DBF4B: variants seen among roughly 807,000 people sequenced by gnomAD.
DBF4B encodes the protein protein DBF4 homolog B.
DBF4B carries 49 observed loss-of-function variants against 53.4 expected under a neutral mutation model. The observed-to-expected ratio is 0.92, with a 90% CI of 0.73 to 1.16. The LOEUF is 1.16. Ranked by LOEUF, DBF4B falls within the 50% of genes most tolerant of loss-of-function variation. The probability of loss-of-function intolerance (pLI) is 0.00; values close to 1 mark genes in which losing one functional copy is unlikely to be tolerated. For missense variants in DBF4B, 692 were observed against 775.0 expected (o/e 0.89, Z 1.27); for synonymous variants, 257 against 288.7 (o/e 0.89, Z 1.11).
At chr17:44,745,708 A>G (rs962865420) in intron 10 of DBF4B, among the ~76,000 whole-genome samples, 10 of 152,236 alleles carry the variant, frequency 6.6e-5, no homozygotes, top group African/African-American at 1.2e-4. Context: ...AAGCCTAACC[A>G]TATCATTTGC....
chr17:44,736,091 C>G (rs147486581), intron 7 of DBF4B, among the ~76,000 whole-genome samples: 1,939 of 152,168 alleles, frequency 0.013, 20 homozygotes, highest in Non-Finnish European at 0.02. Flanking sequence ...AAACCATCCT[C>G]CCACCTCAGC....
chr17:44,727,310 T>C (rs550941196), intron 3 of DBF4B, among the ~76,000 whole-genome samples: 1 of 151,704 alleles, frequency 6.6e-6, no homozygotes, highest in African/African-American at 2.4e-5. Flanking sequence ...TCCCAGCTAC[T>C]CGGGAGGCTG....
chr17:44,716,305 A>C (rs1190940246), intron 2 of DBF4B, among the ~76,000 whole-genome samples: 1 of 152,064 alleles, frequency 6.6e-6, no homozygotes, highest in Non-Finnish European at 1.5e-5. Flanking sequence ...GTCTTGAGCT[A>C]GTCAGTTCGC....
At chr17:44,745,501 T>C (rs184221626) in intron 10 of DBF4B, among the ~76,000 whole-genome samples, 3 of 152,258 alleles carry the variant, frequency 2.0e-5, no homozygotes, top group South Asian at 2.1e-4. Flanking sequence ...CAAGGCACCT[T>C]CTCCACAAGG....
At chr17:44,711,896 C>T (rs1445948013) in intron 2 of DBF4B, among the ~76,000 whole-genome samples, 1 of 150,674 alleles carries the variant, frequency 6.6e-6, no homozygotes, top group East Asian at 2.0e-4. Flanking sequence ...AATTGCACCA[C>T]TGCACTCCAG....
At chr17:44,712,301 CTTTTTTTTTTTTT>C (rs1163777667) in intron 2 of DBF4B, among the ~76,000 whole-genome samples, 1 of 71,910 alleles carries the variant, frequency 1.4e-5, no homozygotes, top group Non-Finnish European at 2.4e-5. Context: ...ATTATGTCTT[CTTTTTTTTTTTTT>C]TTTTTTTTTT....
At chr17:44,721,937 C>T (rs1179372488) in intron 2 of DBF4B, among the ~76,000 whole-genome samples, 1 of 151,692 alleles carries the variant, frequency 6.6e-6, no homozygotes, top group Non-Finnish European at 1.5e-5. Context: ...GAGTTTGTGA[C>T]CAGCCTGACC....
chr17:44,750,350 C>G, intron 13 of DBF4B: 1 of 1,312,800 alleles, frequency 7.6e-7, no homozygotes. Context: ...CTTCCGGAAG[C>G]CTGATGCTAT....
intron 2 of DBF4B, among the ~76,000 whole-genome samples, chr17:44,712,301 C>CTT (rs1163777667): frequency 0.032 from 2,278 of 71,840 alleles, 147 homozygotes; most frequent in Admixed American, 0.038. Flanking sequence ...ATTATGTCTT[C>CTT]TTTTTTTTTT....
At chr17:44,746,432 G>C (rs1976604270) in intron 10 of DBF4B, among the ~76,000 whole-genome samples, 1 of 152,140 alleles carries the variant, frequency 6.6e-6, no homozygotes, top group Non-Finnish European at 1.5e-5. Context: ...CAGGTCTCAT[G>C]AATGTGGGTG....
At chr17:44,718,050 C>T (rs1008941536) in intron 2 of DBF4B, among the ~76,000 whole-genome samples, 1 of 151,520 alleles carries the variant, frequency 6.6e-6, no homozygotes, top group Non-Finnish European at 1.5e-5. Context: ...AAAGAAAATC[C>T]GGAAATTAAT....
chr17:44,749,095 C>A lies in DBF4B; in HGVS notation c.1189+630C>A. On this transcript the variant is annotated intron_variant, in intron 13 of 13. Transcript: ENST00000315005. This position sits in a 1 kb window ranked among gnomAD's most constrained non-coding sequence, Gnocchi z 4.4. ...CACAGCTCCAGGCTGGCCATCAGCT[C>A]CCCTGTACTCAGCTACCAGTGTGCA... 1 of 1,289,792 alleles carries A rather than the reference C, an allele frequency of 7.8e-7. No individual in the cohort carries two copies. The highest frequency in any genetic ancestry group is 1.0e-6 in the Non-Finnish European group (1 of 988,832). 79.9% of individuals were successfully genotyped at this position (1,289,792 alleles called of 1,614,324 possible).
At position 44,708,813 on chromosome 17, in the gene DBF4B, G is replaced by A; in HGVS notation, c.-8G>A. On this transcript the variant is annotated 5_prime_UTR_variant, in exon 1 of 14. Transcript: ENST00000315005. ...GGAGTACGGAGGCCGAGAAGGAGCC[G>A]GCATTTGATGAGCGAACCGGGAAAG... The A allele has an allele frequency of 6.4e-7, 1 of 1,551,308 alleles. No individual in the cohort carries two copies.
chr17:44,722,020 G>A (rs1598782581), intron 2 of DBF4B, among the ~76,000 whole-genome samples: 1 of 152,008 alleles, frequency 6.6e-6, no homozygotes, highest in Admixed American at 6.6e-5. Context: ...TGTAATCCCA[G>A]CTACTGGGGA....
At chr17:44,750,368 C>T in intron 13 of DBF4B, 1 of 1,359,208 alleles carries the variant, frequency 7.4e-7, no homozygotes, top group Non-Finnish European at 9.4e-7. Context: ...TATTCTGTGT[C>T]TCCTTTCAAA....
At chr17:44,721,832 C>T (rs1973875310) in intron 2 of DBF4B, among the ~76,000 whole-genome samples, 2 of 151,212 alleles carry the variant, frequency 1.3e-5, no homozygotes, top group Non-Finnish European at 2.9e-5. Flanking sequence ...TTGGAGGTTG[C>T]ATAGAAGAGG....
At chr17:44,738,482 A>AGGGAGGT (rs1282604098) in intron 9 of DBF4B, 58 bp downstream of exon 9, 1 of 1,565,758 alleles carries the variant, frequency 6.4e-7, no homozygotes, top group Non-Finnish European at 8.7e-7. Flanking sequence ...AGGAGGGAGG[A>AGGGAGGT]GGGAGGGGTG....
intron 3 of DBF4B, among the ~76,000 whole-genome samples, chr17:44,729,382 A>G (rs1320840901): frequency 6.6e-6 from 1 of 151,706 alleles, no homozygotes; most frequent in African/African-American, 2.4e-5. Flanking sequence ...AAAAAAAAAA[A>G]AATTTTAGAG....
intron 7 of DBF4B, among the ~76,000 whole-genome samples, chr17:44,735,382 A>G (rs1186734677): frequency 6.6e-6 from 1 of 152,080 alleles, no homozygotes; most frequent in Non-Finnish European, 1.5e-5. Context: ...TAACTTAATC[A>G]GTTTTGTAGG....
Sources: gnomAD v4.1 joint callset for allele counts (sites outside exome capture counted in the v4.1 genomes callset) on GRCh38, gnomAD v4.1.1 for gene constraint, Gnocchi (gnomAD v3.1) non-coding constraint, MANE v1.5 for transcripts, NCBI Gene and HGNC (gene_info 2026-07-23, HGNC 2026-07-21) for gene names.